Variants in DPH6 observed in about 807,000 individuals in gnomAD.
DPH6 encodes the protein diphthamine biosynthesis 6.
DPH6 carries 33 observed loss-of-function variants against 38.2 expected under a neutral mutation model. The ratio of observed to expected loss-of-function variants is 0.86; its 90% CI spans 0.65 to 1.15. The LOEUF (loss-of-function observed/expected upper bound fraction) is 1.15. Ranked by LOEUF, DPH6 falls within the 50% of genes most tolerant of loss-of-function variation. The pLI is 0.00. For missense variants in DPH6, 325 were observed against 320.0 expected, an observed-to-expected ratio of 1.02 and a Z score of -0.12; for synonymous variants, 108 against 103.0, an observed-to-expected ratio of 1.05 and a Z score of -0.30.
chr15:35,337,331 C>T (rs2052381354), intron 3 of DPH6, among the ~76,000 whole-genome samples: 1 of 151,992 alleles, frequency 6.6e-6, no homozygotes, highest in African/African-American at 2.4e-5. Context: ...TTTGATTCTT[C>T]TCTCTTTTTT....
At chr15:35,514,187 T>C (rs889129903) in intron 3 of DPH6, among the ~76,000 whole-genome samples, 1 of 121,242 alleles carries the variant, frequency 8.2e-6, no homozygotes, top group African/African-American at 4.2e-5. Flanking sequence ...AATAAAATCT[T>C]ACAACTATGT....
chr15:35,459,838 C>T (rs1464919136), intron 3 of DPH6, among the ~76,000 whole-genome samples: 1 of 152,156 alleles, frequency 6.6e-6, no homozygotes, highest in Non-Finnish European at 1.5e-5. Flanking sequence ...AAAGTAACAA[C>T]ATTACCAAGT....
rs533672780 is a variant in DPH6 at position 35,432,692 on chromosome 15, AT to A, written c.505+17992del. Among the ~76,000 whole-genome samples the A allele has an allele frequency of 3.3e-4, 51 of 152,334 alleles. 1 individual carries two copies. The South Asian group carries it at 0.01, about 30-fold the overall frequency. On this transcript the variant is annotated intron_variant, in intron 5 of 8. Coordinates refer to ENST00000256538, the MANE Select transcript of DPH6 (RefSeq NM_080650.4). ...CTTATGTTAACACAAAAGAAAGATA[AT>A]TGGGGCTGAGAGGAAGAAATGAAAA... is the stretch of plus-strand genomic sequence containing the variant.
chr15:35,268,800 A>G (rs1197813862), intron 3 of DPH6, among the ~76,000 whole-genome samples: 1 of 151,986 alleles, frequency 6.6e-6, no homozygotes, highest in African/African-American at 2.4e-5. Flanking sequence ...GGCTTTGTAG[A>G]ATTAACTACT....
intron 3 of DPH6, among the ~76,000 whole-genome samples, chr15:35,480,392 G>C (rs892240483): frequency 4.6e-5 from 7 of 151,980 alleles, no homozygotes; most frequent in Non-Finnish European, 2.9e-5. Flanking sequence ...TTTTAAAACT[G>C]AATTTCACCA....
At chr15:35,330,820 T>C (rs2052321701) in exon 4 of DPH6, 1 of 152,228 alleles carries the variant, frequency 6.6e-6, no homozygotes, top group Non-Finnish European at 1.5e-5. Flanking sequence ...CATCATTTAA[T>C]ACCAGACATT....
chr15:35,231,713 C>G (rs1366001824), intron 3 of DPH6, among the ~76,000 whole-genome samples: 2 of 152,126 alleles, frequency 1.3e-5, no homozygotes, highest in Non-Finnish European at 1.5e-5. Flanking sequence ...GCAAGCTGTA[C>G]AGGAAGCATG....
chr15:35,419,348 G>A (rs2053476182), intron 5 of DPH6, among the ~76,000 whole-genome samples: 1 of 152,008 alleles, frequency 6.6e-6, no homozygotes, highest in South Asian at 2.1e-4. Flanking sequence ...GACTATCTCA[G>A]GAAGGACCTT....
At chr15:35,189,801 G>A in the DPH6 span, among the ~76,000 whole-genome samples, 11 of 152,320 alleles carry the variant, frequency 7.2e-5, no homozygotes, top group East Asian at 1.9e-3. Flanking sequence ...GGATGGTTGA[G>A]ACTTAAATAT....
At chr15:35,480,354 T>G (rs2054311955) in intron 3 of DPH6, among the ~76,000 whole-genome samples, 1 of 152,080 alleles carries the variant, frequency 6.6e-6, no homozygotes, top group Non-Finnish European at 1.5e-5. Flanking sequence ...TATGTAAGGA[T>G]GACCTTCATC....
chr15:35,387,583 T>C (rs1406645497), intron 6 of DPH6, among the ~76,000 whole-genome samples: 1 of 152,252 alleles, frequency 6.6e-6, no homozygotes. Context: ...GATTCCTAGG[T>C]ATTTTCTTCT....
At chr15:35,351,971 C>T (rs897848602) in intron 3 of DPH6, among the ~76,000 whole-genome samples, 41 of 152,104 alleles carry the variant, frequency 2.7e-4, no homozygotes, top group African/African-American at 8.7e-4. Context: ...CCTCCCATCT[C>T]GGCCTCCCAA....
At chr15:35,303,223 C>T (rs2052065938) in intron 3 of DPH6, among the ~76,000 whole-genome samples, 1 of 151,986 alleles carries the variant, frequency 6.6e-6, no homozygotes, top group Non-Finnish European at 1.5e-5. Flanking sequence ...CCTCTTCCTT[C>T]CTTCCATCTT....
At chr15:35,312,575 C>A (rs2052152207) in intron 3 of DPH6, among the ~76,000 whole-genome samples, 1 of 152,126 alleles carries the variant, frequency 6.6e-6, no homozygotes, top group Non-Finnish European at 1.5e-5. Context: ...TATCCAGAAT[C>A]ACTACAGTTT....
intron 3 of DPH6, among the ~76,000 whole-genome samples, chr15:35,512,710 C>G (rs12438046): frequency 0.63 from 95,591 of 151,872 alleles, 33,677 homozygotes; most frequent in South Asian, 0.82. Context: ...AATTCCAAGT[C>G]AAGGTTTCAG....
chr15:35,304,367 A>T (rs1566864332), intron 3 of DPH6, among the ~76,000 whole-genome samples: 1 of 152,256 alleles, frequency 6.6e-6, no homozygotes, highest in East Asian at 1.9e-4. Flanking sequence ...CATACAATCT[A>T]AGATTTTAGC....
chr15:35,329,582 G>C (rs1218175969), downstream of DPH6, among the ~76,000 whole-genome samples: 1 of 152,188 alleles, frequency 6.6e-6, no homozygotes, highest in African/African-American at 2.4e-5. Context: ...CTCACAGCAT[G>C]AAAGAGAACA....
chr15:35,287,808 T>C (rs927661630), intron 3 of DPH6, among the ~76,000 whole-genome samples: 3 of 152,216 alleles, frequency 2.0e-5, no homozygotes, highest in Admixed American at 6.5e-5. Flanking sequence ...TAATCTTTTG[T>C]TTGAAATGTA....
intron 3 of DPH6, among the ~76,000 whole-genome samples, chr15:35,357,191 T>C (rs888137092): frequency 1.3e-5 from 2 of 152,254 alleles, no homozygotes; most frequent in African/African-American, 4.8e-5. Context: ...CACCGCTTTC[T>C]TTGACTAGCA....
Sources: allele counts gnomAD v4.1 joint callset (sites outside exome capture counted in the v4.1 genomes callset), GRCh38; gene constraint gnomAD v4.1.1; transcripts MANE v1.5; gene names NCBI Gene and HGNC (gene_info 2026-07-23, HGNC 2026-07-21).